The following EPS15 variants were observed in gnomAD, a reference collection of about 807,000 sequenced individuals.
The protein encoded by EPS15 is epidermal growth factor receptor pathway substrate 15.
EPS15 carries 72 observed loss-of-function variants against 113.8 expected under a neutral mutation model. That is an observed-to-expected ratio of 0.63 (90% CI 0.52 to 0.77). EPS15 has a LOEUF of 0.77. EPS15 is among the 30% of genes least tolerant of loss of function. The pLI is 0.00. For missense variants in EPS15, 1,048 were observed against 1,045.8 expected (o/e 1.00, Z -0.03); for synonymous variants, 344 against 363.4 (o/e 0.95, Z 0.61).
chr1:51,435,184 C>T (rs1223591159), intron 12 of EPS15, among the ~76,000 whole-genome samples: 2 of 150,846 alleles, frequency 1.3e-5, no homozygotes, highest in African/African-American at 4.9e-5. Flanking sequence ...TTTTCTTTTT[C>T]TTTTTTCTTT....
intron 8 of EPS15, chr1:51,457,738 T>G (rs1403681487): frequency 6.6e-6 from 1 of 152,118 alleles, no homozygotes; most frequent in Non-Finnish European, 1.5e-5. Context: ...GTGGGTCATG[T>G]CAGTACTCAA....
chr1:51,494,924 G>A (rs1212791372), intron 1 of EPS15, among the ~76,000 whole-genome samples: 1 of 152,184 alleles, frequency 6.6e-6, no homozygotes, highest in Non-Finnish European at 1.5e-5. Flanking sequence ...AAATTTTGAA[G>A]GGACACAATT....
At chr1:51,512,647 T>C (rs542907129) in intron 1 of EPS15, among the ~76,000 whole-genome samples, 1 of 151,120 alleles carries the variant, frequency 6.6e-6, no homozygotes. Flanking sequence ...AAAAAAGAAA[T>C]ACAAATGGTT....
chr1:51,448,455 T>C (rs1229961217), intron 8 of EPS15, among the ~76,000 whole-genome samples: 2 of 151,944 alleles, frequency 1.3e-5, no homozygotes, highest in Non-Finnish European at 2.9e-5. Context: ...CTCTCCCTAA[T>C]ATATAGAGCT....
At chr1:51,517,637 A>G (rs1188632854) in intron 1 of EPS15, among the ~76,000 whole-genome samples, 1 of 152,218 alleles carries the variant, frequency 6.6e-6, no homozygotes, top group Non-Finnish European at 1.5e-5. Context: ...GTGAATACCT[A>G]AAAGTCAGTG....
At position 51,421,804 on chromosome 1, in the gene EPS15, C is replaced by G; in HGVS notation, c.1095G>C (p.Gln365His). 1 of 1,596,240 alleles carries G rather than the reference C, an allele frequency of 6.3e-7. No individual in the cohort carries two copies. The highest frequency in any genetic ancestry group is 8.5e-7 in the Non-Finnish European group (1 of 1,169,890). The change falls in exon 13 of 25, where the codon CAG becomes CAC. Residue 365 changes from glutamine (Q) to histidine (H), a missense_variant. Transcript: ENST00000371733. ...DLKEKEDTIK[Q>H]RTSEVQDLQD... ...CACTTACCTGAACCTCACTTGTCCT[C>G]TGTTTAATAGTATCTTCCTTCTCCT... is the stretch of plus-strand genomic sequence containing the variant.
rs117374990 is a variant in EPS15 at position 51,434,232 on chromosome 1, G to T, written c.1040+6115C>A. Among the ~76,000 whole-genome samples the T allele has an allele frequency of 3.4e-4, 52 of 152,288 alleles. 1 individual carries two copies. In the East Asian group the frequency reaches 9.8e-3, roughly 29 times the overall value. On this transcript the variant is annotated intron_variant, in intron 12 of 24. Coordinates refer to ENST00000371733, the MANE Select transcript of EPS15 (RefSeq NM_001981.3). The stretch of plus-strand genomic sequence containing the variant: ...GAACTGACAGCAGGGTCTTGAAATG[G>T]TATTTGTATGTTCATGTTCATAGCA...
At chr1:51,413,764 T>C (rs1649959594) in intron 13 of EPS15, among the ~76,000 whole-genome samples, 1 of 152,200 alleles carries the variant, frequency 6.6e-6, no homozygotes, top group Admixed American at 6.5e-5. Context: ...CCTTTATTTT[T>C]TTAAGACAGG....
intron 21 of EPS15, among the ~76,000 whole-genome samples, chr1:51,373,661 T>C (rs915785188): frequency 8.5e-5 from 13 of 152,226 alleles, no homozygotes; most frequent in Non-Finnish European, 1.5e-4. Context: ...TTTGGACCTG[T>C]AGTTCTGGCA....
chr1:51,483,859 G>A (rs1389005155), intron 1 of EPS15, among the ~76,000 whole-genome samples: 2 of 151,894 alleles, frequency 1.3e-5, no homozygotes, highest in South Asian at 2.1e-4. Flanking sequence ...GTAATCCCAG[G>A]AGGGGATTTG....
At chr1:51,425,872 GAAGTA>G (rs1448660342) in intron 12 of EPS15, among the ~76,000 whole-genome samples, 1 of 152,136 alleles carries the variant, frequency 6.6e-6, no homozygotes, top group Non-Finnish European at 1.5e-5. Flanking sequence ...AAACAACAGT[GAAGTA>G]GTTTTTAAAT....
At chr1:51,505,539 T>C (rs74648048) in intron 1 of EPS15, among the ~76,000 whole-genome samples, 6,381 of 152,176 alleles carry the variant, frequency 0.042, 203 homozygotes, top group Middle Eastern at 0.11. Flanking sequence ...GGGAGGGTGA[T>C]AGCTGAGGGG....
chr1:51,408,143 T>C lies in EPS15; in HGVS notation c.1465A>G (p.Ile489Val). The C allele has an allele frequency of 6.2e-7, 1 of 1,613,858 alleles. No individual in the cohort carries two copies. Among genetic ancestry groups the C allele is most frequent in the Non-Finnish European group, 8.5e-7 (1 of 1,179,716 alleles). ...GCTTTACAAAGACTTACTGAACTAA[T>C]TTCCTGTTGTGAATCTTGTAGGTGC... ...QQHLQDSQQEISSMQMKLMEM... is the reference protein window; with the variant it reads ...QQHLQDSQQEVSSMQMKLMEM... The change falls in exon 15 of 25, where the codon ATT (isoleucine) becomes GTT (valine). Residue 489 changes from isoleucine (I) to valine (V), a missense_variant. Ile to Val is a conservative substitution (Grantham distance 29). Transcript: ENST00000371733.
chr1:51,456,674 AATG>A (rs1462941802), intron 8 of EPS15, among the ~76,000 whole-genome samples: 2 of 152,198 alleles, frequency 1.3e-5, no homozygotes, highest in Non-Finnish European at 2.9e-5. Context: ...TTCAAGGAAG[AATG>A]ATATCAGCTC....
At chr1:51,464,223 T>G (rs1239188880) in intron 6 of EPS15, among the ~76,000 whole-genome samples, 1 of 147,962 alleles carries the variant, frequency 6.8e-6, no homozygotes, top group Non-Finnish European at 1.5e-5. Context: ...TGGTATGAGG[T>G]GCAGTTCAAA....
At chr1:51,446,660 G>A (rs141432463) in intron 10 of EPS15, among the ~76,000 whole-genome samples, 4,858 of 152,088 alleles carry the variant, frequency 0.032, 125 homozygotes, top group Non-Finnish European at 0.05. Context: ...TCACCATGTT[G>A]GCCAAGCTGG....
At chr1:51,508,229 A>AGAGAGAGAGAGAGAGAGAGAGAG (rs1557536279) in intron 1 of EPS15, among the ~76,000 whole-genome samples, 1 of 116,264 alleles carries the variant, frequency 8.6e-6, no homozygotes, top group African/African-American at 3.5e-5. Flanking sequence ...AAAAGAAAAG[A>AGAGAGAGAGAGAGAGAGAGAGAG]AAAGAAAAGA....
At chr1:51,480,345 T>C (rs1033924181) in intron 2 of EPS15, among the ~76,000 whole-genome samples, 1 of 152,262 alleles carries the variant, frequency 6.6e-6, no homozygotes, top group Non-Finnish European at 1.5e-5. Context: ...GTCTGATCTA[T>C]GGTATGCACC....
At position 51,405,972 on chromosome 1, in the gene EPS15, G is replaced by T; in HGVS notation, c.1610C>A (p.Ala537Asp). 6.2e-7 allele frequency: 1 copy of T among 1,614,136 alleles called. No homozygotes were observed. The change falls in exon 16 of 25, where the codon GCC (alanine) becomes GAC (aspartate). Residue 537 changes from alanine to aspartate, a missense_variant. Ala to Asp is a moderately radical substitution (Grantham distance 126). Coordinates refer to ENST00000371733, the MANE Select transcript of EPS15 (RefSeq NM_001981.3). Reference protein sequence around the residue: ...CSLSTSSSETANLNEHVEGQS... With the variant: ...CSLSTSSSETDNLNEHVEGQS... ...GCCTTCAACATGTTCATTAAGGTTG[G>T]CTGTTTCACTGCTGCTGGTGCTGAG...
Sources: allele counts gnomAD v4.1 joint callset (sites outside exome capture counted in the v4.1 genomes callset), GRCh38; gene constraint gnomAD v4.1.1; transcripts MANE v1.5; gene names NCBI Gene and HGNC (gene_info 2026-07-23, HGNC 2026-07-21).